The following SPAG16 variants were observed in gnomAD, a reference collection of about 807,000 sequenced individuals.
The protein encoded by SPAG16 is sperm-associated antigen 16 protein.
In SPAG16, 86 loss-of-function variants were observed where a neutral mutation model predicts 80.4. The ratio of observed to expected loss-of-function variants is 1.07; its 90% CI spans 0.90 to 1.28. The LOEUF is 1.28. Among genes scored for constraint, SPAG16 ranks in the 50% most tolerant of loss-of-function variants. SPAG16 has a pLI of 0.00. For synonymous variants in SPAG16, 294 were observed against 265.9 expected, an observed-to-expected ratio of 1.11 and a Z score of -1.03; for missense variants, 870 against 765.3, an observed-to-expected ratio of 1.14 and a Z score of -1.61.
chr2:214,151,416 C>T (rs1383834275), intron 15 of SPAG16, among the ~76,000 whole-genome samples: 2 of 151,802 alleles, frequency 1.3e-5, no homozygotes, highest in African/African-American at 4.8e-5. Context: ...ACATAGGTCT[C>T]TTCTAGTTGC....
chr2:214,106,851 C>T (rs1364933080), intron 13 of SPAG16, among the ~76,000 whole-genome samples: 1 of 152,112 alleles, frequency 6.6e-6, no homozygotes, highest in Non-Finnish European at 1.5e-5. Flanking sequence ...ATGTGTGAGG[C>T]AAACATCTAC....
intron 9 of SPAG16, among the ~76,000 whole-genome samples, chr2:213,468,461 CTCTA>C (rs1371838184): frequency 1.7e-5 from 2 of 115,070 alleles, no homozygotes; most frequent in Non-Finnish European, 3.2e-5. Flanking sequence ...ATATATATAT[CTCTA>C]TGTATTTATA....
intron 9 of SPAG16, among the ~76,000 whole-genome samples, chr2:213,410,902 C>T (rs952598855): frequency 2.0e-5 from 3 of 152,224 alleles, no homozygotes; most frequent in South Asian, 2.1e-4. Flanking sequence ...CGGCACCCTG[C>T]GGGTCAGCCC....
intron 15 of SPAG16, among the ~76,000 whole-genome samples, chr2:214,362,816 G>A (rs1699263020): frequency 6.6e-6 from 1 of 151,832 alleles, no homozygotes; most frequent in Admixed American, 6.6e-5. Flanking sequence ...ACAAATAGCT[G>A]TAATTCAGGG....
chr2:213,583,659 GTAAC>G (rs1338408087), intron 10 of SPAG16, among the ~76,000 whole-genome samples: 3 of 152,134 alleles, frequency 2.0e-5, no homozygotes, highest in South Asian at 2.1e-4. Flanking sequence ...TGAGGTTTCA[GTAAC>G]TAACTGTTTA....
chr2:213,360,905 G>C (rs955526106), intron 7 of SPAG16, among the ~76,000 whole-genome samples: 1 of 152,188 alleles, frequency 6.6e-6, no homozygotes, highest in Non-Finnish European at 1.5e-5. Context: ...TGTGAGTTAA[G>C]AGCAGTAAGA....
chr2:213,441,452 G>A (rs1324077886), intron 9 of SPAG16, among the ~76,000 whole-genome samples: 1 of 152,160 alleles, frequency 6.6e-6, no homozygotes, highest in East Asian at 1.9e-4. Context: ...CTATGGTTTC[G>A]TATTTAGGAT....
intron 10 of SPAG16, among the ~76,000 whole-genome samples, chr2:213,593,792 T>TCGG (rs1559290635): frequency 2.4e-4 from 28 of 115,260 alleles, no homozygotes; most frequent in African/African-American, 7.4e-4. Flanking sequence ...TTTTTTTTTT[T>TCGG]GGGACGGAGT....
chr2:214,110,335 T>C (rs2053602446), intron 14 of SPAG16, among the ~76,000 whole-genome samples: 1 of 144,710 alleles, frequency 6.9e-6, no homozygotes, highest in Non-Finnish European at 1.5e-5. Flanking sequence ...CCCCACCCTA[T>C]GTCCAAGTGT....
intron 10 of SPAG16, among the ~76,000 whole-genome samples, chr2:213,714,691 A>G (rs1437492710): frequency 2.0e-5 from 3 of 152,166 alleles, no homozygotes; most frequent in Non-Finnish European, 2.9e-5. Context: ...AATCCTCATA[A>G]TAATGCTAAA....
intron 15 of SPAG16, chr2:214,238,035 G>T: frequency 3.9e-6 from 1 of 257,648 alleles, no homozygotes; most frequent in South Asian, 3.8e-5. Context: ...AAGTTCTTAT[G>T]CTGCAGAAAT....
intron 10 of SPAG16, among the ~76,000 whole-genome samples, chr2:213,768,875 A>G (rs892826774): frequency 2.4e-4 from 36 of 152,208 alleles, no homozygotes; most frequent in African/African-American, 8.4e-4. Flanking sequence ...TCTGAACACA[A>G]AAACTTTAGA....
intron 10 of SPAG16, among the ~76,000 whole-genome samples, chr2:213,604,418 T>C (rs1258843513): frequency 6.6e-6 from 1 of 152,198 alleles, no homozygotes; most frequent in Non-Finnish European, 1.5e-5. Context: ...GTATATTTTT[T>C]ACTTTTGCTC....
intron 13 of SPAG16, among the ~76,000 whole-genome samples, chr2:214,035,392 G>A (rs539612504): frequency 6.6e-5 from 10 of 152,186 alleles, no homozygotes; most frequent in East Asian, 1.9e-4. Context: ...CATTCATGGC[G>A]CCCAGGCCAT....
chr2:214,046,188 T>C (rs1408274834), intron 13 of SPAG16, among the ~76,000 whole-genome samples: 2 of 152,090 alleles, frequency 1.3e-5, no homozygotes, highest in East Asian at 1.9e-4. Context: ...ATAACAAGTA[T>C]TGAGATCATA....
intron 13 of SPAG16, among the ~76,000 whole-genome samples, chr2:214,087,217 T>A (rs562259909): frequency 1.2e-4 from 19 of 152,160 alleles, no homozygotes; most frequent in African/African-American, 4.6e-4. Flanking sequence ...AAATGCAGAT[T>A]TTTTTGCTAT....
At chr2:213,960,505 C>A (rs2044359127) in intron 12 of SPAG16, among the ~76,000 whole-genome samples, 1 of 152,046 alleles carries the variant, frequency 6.6e-6, no homozygotes, top group Non-Finnish European at 1.5e-5. Context: ...CTCTGGCAAT[C>A]AGATTTTTCT....
At chr2:214,346,899 A>G (rs1698088026) in intron 15 of SPAG16, among the ~76,000 whole-genome samples, 1 of 152,216 alleles carries the variant, frequency 6.6e-6, no homozygotes, top group South Asian at 2.1e-4. Context: ...TCATCTATCC[A>G]AGCCTTGCCT....
At chr2:214,218,853 C>T (rs1242301611) in intron 15 of SPAG16, among the ~76,000 whole-genome samples, 2 of 152,134 alleles carry the variant, frequency 1.3e-5, no homozygotes, top group African/African-American at 4.8e-5. Flanking sequence ...GCACCTCCAT[C>T]CCAGTGTAAT....
Sources: gnomAD v4.1 joint callset for allele counts (sites outside exome capture counted in the v4.1 genomes callset) on GRCh38, gnomAD v4.1.1 for gene constraint, MANE v1.5 for transcripts, NCBI Gene and HGNC (gene_info 2026-07-23, HGNC 2026-07-21) for gene names.